NEGR1: variants seen among roughly 807,000 people sequenced by gnomAD.
NEGR1 encodes IgLON family member 4.
A neutral mutation model predicts 40.9 loss-of-function variants in NEGR1; 10 were observed. The ratio of observed to expected loss-of-function variants is 0.24; its 90% confidence interval spans 0.15 to 0.42. The LOEUF (loss-of-function observed/expected upper bound fraction) is 0.42, where lower values mean the gene tolerates loss of function less well. Among genes scored for constraint, NEGR1 ranks in the 10% least tolerant of loss-of-function variants. The probability of loss-of-function intolerance (pLI) is 1.00; values close to 1 mark genes in which losing one functional copy is unlikely to be tolerated. For synonymous variants in NEGR1, 185 were observed against 166.8 expected (o/e 1.11, Z -0.84); for missense variants, 352 against 438.9 (o/e 0.80, Z 1.77).
intron 4 of NEGR1, among the ~76,000 whole-genome samples, chr1:71,686,706 T>C (rs1178414933): frequency 6.6e-6 from 1 of 152,190 alleles, no homozygotes; most frequent in African/African-American, 2.4e-5. Flanking sequence ...CTTTACCCCA[T>C]TGAATAATCT....
chr1:71,436,445 T>C (rs565996447), intron 6 of NEGR1, among the ~76,000 whole-genome samples: 1 of 152,364 alleles, frequency 6.6e-6, no homozygotes, highest in South Asian at 2.1e-4. Flanking sequence ...ATTCTGATTA[T>C]TTAAGACTGT....
At chr1:71,987,398 C>G (rs1268787848) in intron 1 of NEGR1, among the ~76,000 whole-genome samples, 1 of 152,148 alleles carries the variant, frequency 6.6e-6, no homozygotes, top group Non-Finnish European at 1.5e-5. Flanking sequence ...GAAATACAAA[C>G]CACTCACGTG....
intron 3 of NEGR1, among the ~76,000 whole-genome samples, chr1:71,765,592 C>A (rs989050052): frequency 3.3e-5 from 5 of 152,038 alleles, no homozygotes; most frequent in African/African-American, 1.2e-4. Flanking sequence ...CATCTAAGTT[C>A]TTCATTTACT....
At chr1:71,780,563 G>A (rs1656681235) in intron 2 of NEGR1, among the ~76,000 whole-genome samples, 1 of 152,224 alleles carries the variant, frequency 6.6e-6, no homozygotes, top group African/African-American at 2.4e-5. Context: ...AGCAACAGAG[G>A]TTGAAAGTAG....
intron 2 of NEGR1, among the ~76,000 whole-genome samples, chr1:71,877,004 C>T (rs1660450775): frequency 6.6e-6 from 1 of 151,468 alleles, no homozygotes; most frequent in African/African-American, 2.4e-5. Flanking sequence ...AAAAAAATAG[C>T]AGTAATAGTG....
chr1:71,405,109 G>T lies in NEGR1; in HGVS notation c.*2337C>A, dbSNP rs1047812354. On this transcript the variant is annotated 3_prime_UTR_variant, in exon 7 of 7. Coordinates refer to ENST00000357731, the MANE Select transcript of NEGR1 (RefSeq NM_173808.3). ...TCTAACATAAAGGCAAATACATATA[G>T]CTACTGAGCTATGACTGTACTTCTG... is the stretch of plus-strand genomic sequence containing the variant. 1 of 152,002 alleles carries T rather than the reference G, an allele frequency of 6.6e-6. No homozygotes were observed. Among genetic ancestry groups the T allele is most frequent in the Admixed American group, 6.6e-5 (1 of 15,214 alleles). 9.4% of individuals were successfully genotyped at this position (152,002 alleles called of 1,614,324 possible).
intron 3 of NEGR1, among the ~76,000 whole-genome samples, chr1:71,767,540 A>G (rs1295531997): frequency 1.3e-5 from 2 of 152,176 alleles, no homozygotes; most frequent in Non-Finnish European, 2.9e-5. Flanking sequence ...TGGAACTGGA[A>G]CTTTTATATT....
At chr1:72,223,664 A>G (rs1446366820) in intron 1 of NEGR1, among the ~76,000 whole-genome samples, 1 of 152,152 alleles carries the variant, frequency 6.6e-6, no homozygotes, top group Non-Finnish European at 1.5e-5. Flanking sequence ...AAGTGATGCT[A>G]TTTGCTAAAC....
intron 4 of NEGR1, among the ~76,000 whole-genome samples, chr1:71,638,384 G>A (rs1009931664): frequency 6.6e-6 from 1 of 151,944 alleles, no homozygotes; most frequent in Admixed American, 6.6e-5. Context: ...TTTATTATTG[G>A]TAAAATGAGA....
intron 4 of NEGR1, among the ~76,000 whole-genome samples, chr1:71,651,770 G>A (rs1390943214): frequency 2.0e-5 from 3 of 152,034 alleles, no homozygotes; most frequent in Non-Finnish European, 4.4e-5. Context: ...AGCAGCATAA[G>A]CAGCAGCTAA....
At chr1:72,257,271 G>A (rs1373487852) in intron 1 of NEGR1, among the ~76,000 whole-genome samples, 3 of 136,852 alleles carry the variant, frequency 2.2e-5, no homozygotes, top group East Asian at 2.1e-4. Flanking sequence ...GCAGTGAGCC[G>A]AGATCCCGCC....
chr1:72,121,006 T>C lies in NEGR1; in HGVS notation c.176+161313A>G, dbSNP rs562442619. On this transcript the variant is annotated intron_variant, in intron 1 of 6. Transcript: ENST00000357731. ...TTTACAACAAATGTTTGCACTTTTATGTAGATTGACTCTATTTAAACATTG... is the reference window on the plus strand; with the variant it reads ...TTTACAACAAATGTTTGCACTTTTACGTAGATTGACTCTATTTAAACATTG... 2.6e-5 allele frequency among the ~76,000 whole-genome samples: 4 copies of C among 152,276 alleles called. No individual in the cohort carries two copies. The East Asian group carries it at 7.7e-4, about 29-fold the overall frequency.
At chr1:72,075,962 A>G (rs182867850) in intron 1 of NEGR1, among the ~76,000 whole-genome samples, 6 of 152,298 alleles carry the variant, frequency 3.9e-5, no homozygotes, top group Admixed American at 3.3e-4. Context: ...ATGAACTCCA[A>G]TGTCTTCACA....
intron 2 of NEGR1, among the ~76,000 whole-genome samples, chr1:71,815,030 G>A (rs1439141268): frequency 3.3e-5 from 5 of 151,904 alleles, no homozygotes; most frequent in Non-Finnish European, 7.4e-5. Context: ...CTAGCTTTTT[G>A]ATGTGGGCAG....
At chr1:71,872,252 A>G (rs1660299864) in intron 2 of NEGR1, among the ~76,000 whole-genome samples, 1 of 152,308 alleles carries the variant, frequency 6.6e-6, no homozygotes. Flanking sequence ...TAAGTGGTAG[A>G]CTATGATTTT....
At chr1:72,201,500 T>C (rs1228008992) in intron 1 of NEGR1, among the ~76,000 whole-genome samples, 1 of 151,822 alleles carries the variant, frequency 6.6e-6, no homozygotes, top group East Asian at 1.9e-4. Flanking sequence ...ATGCTTGTAC[T>C]CTTAACAATG....
intron 2 of NEGR1, among the ~76,000 whole-genome samples, chr1:71,795,964 C>A (rs776106721): frequency 3.9e-5 from 6 of 152,086 alleles, no homozygotes; most frequent in Non-Finnish European, 8.8e-5. Context: ...CTCATTTGGT[C>A]CCAGAGAAGT....
At chr1:71,756,429 A>G (rs1191715288) in intron 3 of NEGR1, among the ~76,000 whole-genome samples, 1 of 151,884 alleles carries the variant, frequency 6.6e-6, no homozygotes, top group Non-Finnish European at 1.5e-5. Context: ...AAAAACCAAA[A>G]AAAACCACAT....
Position 71,534,825 on chromosome 1 carries a change from T to C in NEGR1, c.940+57992A>G, listed in dbSNP as rs1039688411. ...GCCAGGCCTCATGGGGCTTATTGAC[T>C]ATAAAATGTCAGGTTTCAAAATGTG... On this transcript the variant is annotated intron_variant, in intron 6 of 6. Coordinates refer to ENST00000357731, the MANE Select transcript of NEGR1 (RefSeq NM_173808.3). Among the ~76,000 whole-genome samples the C allele has an allele frequency of 2.0e-5, 3 of 151,650 alleles. No homozygotes were observed. In the South Asian group the frequency reaches 6.2e-4, roughly 31 times the overall value.
Sources: gnomAD v4.1 joint callset for allele counts (sites outside exome capture counted in the v4.1 genomes callset) on GRCh38, gnomAD v4.1.1 for gene constraint, MANE v1.5 for transcripts, NCBI Gene and HGNC (gene_info 2026-07-23, HGNC 2026-07-21) for gene names.